Variants in NLK observed in about 807,000 individuals in gnomAD.
The protein encoded by NLK is nemo like kinase.
In NLK, 11 loss-of-function variants were observed where a neutral mutation model predicts 59.0. That is an observed-to-expected ratio of 0.19 (90% CI 0.12 to 0.31). The LOEUF is 0.31. Ranked by LOEUF, NLK falls within the 10% of genes least tolerant of loss-of-function variation. The probability of loss-of-function intolerance (pLI) is 1.00; values close to 1 mark genes in which losing one functional copy is unlikely to be tolerated. For synonymous variants in NLK, 235 were observed against 235.9 expected (o/e 1.00, Z 0.03); for missense variants, 410 against 661.1 (o/e 0.62, Z 4.16).
At chr17:28,184,009 G>A (rs1051207325) in intron 7 of NLK, among the ~76,000 whole-genome samples, 2 of 152,166 alleles carry the variant, frequency 1.3e-5, no homozygotes, top group Non-Finnish European at 2.9e-5. Context: ...GTCCCCTGAC[G>A]CTTCTAGCAG....
intron 3 of NLK, among the ~76,000 whole-genome samples, chr17:28,134,234 C>T (rs746844256): frequency 6.6e-5 from 10 of 151,942 alleles, no homozygotes; most frequent in South Asian, 2.1e-4. Flanking sequence ...CTCGTCTCTA[C>T]CAAAAATACA....
chr17:28,119,766 A>G (rs763193461), intron 1 of NLK, among the ~76,000 whole-genome samples: 1 of 152,244 alleles, frequency 6.6e-6, no homozygotes, highest in African/African-American at 2.4e-5. Context: ...AGCCTGGCAG[A>G]CACCTCATTC....
intron 1 of NLK, among the ~76,000 whole-genome samples, chr17:28,083,801 G>A (rs768144746): frequency 3.3e-5 from 5 of 152,200 alleles, no homozygotes; most frequent in East Asian, 3.9e-4. Flanking sequence ...TGGGATTTTC[G>A]TAGTCCCAGC....
intron 1 of NLK, among the ~76,000 whole-genome samples, chr17:28,044,882 A>G (rs1183229465): frequency 1.3e-5 from 2 of 152,222 alleles, no homozygotes; most frequent in African/African-American, 4.8e-5. Context: ...ATACAATGCT[A>G]AAAACTAGGG....
the NLK span, among the ~76,000 whole-genome samples, chr17:28,202,863 T>C: frequency 6.6e-6 from 1 of 151,730 alleles, no homozygotes; most frequent in Non-Finnish European, 1.5e-5. Flanking sequence ...TTTGTATTTT[T>C]AGTAGAGATG....
At chr17:28,189,870 C>A (rs1257194362) in intron 8 of NLK, among the ~76,000 whole-genome samples, 2 of 152,142 alleles carry the variant, frequency 1.3e-5, no homozygotes, top group African/African-American at 2.4e-5. Flanking sequence ...ATCAAGTATA[C>A]GTTTGCCTGT....
chr17:28,107,744 A>T (rs554755988), intron 1 of NLK, among the ~76,000 whole-genome samples: 6 of 152,320 alleles, frequency 3.9e-5, no homozygotes, highest in Admixed American at 2.0e-4. Flanking sequence ...TTACTGGGAA[A>T]AATAGTAAAA....
intron 1 of NLK, among the ~76,000 whole-genome samples, chr17:28,099,085 G>A (rs965201462): frequency 4.6e-5 from 7 of 151,940 alleles, no homozygotes; most frequent in Non-Finnish European, 8.8e-5. Context: ...TTTTTTAAGG[G>A]TTTCGATAAT....
the NLK span, among the ~76,000 whole-genome samples, chr17:28,203,630 G>A: frequency 6.6e-6 from 1 of 152,218 alleles, no homozygotes; most frequent in East Asian, 1.9e-4. Context: ...TCCGCCTCCT[G>A]GGTTCAAGTG....
At chr17:28,058,646 C>A (rs762888720) in intron 1 of NLK, among the ~76,000 whole-genome samples, 11 of 152,144 alleles carry the variant, frequency 7.2e-5, no homozygotes, top group Non-Finnish European at 1.5e-4. Context: ...AGCTACTCAG[C>A]CTACTTAGGA....
At chr17:28,077,683 G>A (rs969767562) in intron 1 of NLK, among the ~76,000 whole-genome samples, 1 of 152,158 alleles carries the variant, frequency 6.6e-6, no homozygotes, top group Non-Finnish European at 1.5e-5. Context: ...GTTTGATGCC[G>A]AGAATGCCAT....
intron 1 of NLK, among the ~76,000 whole-genome samples, chr17:28,046,141 C>T (rs1909044567): frequency 6.6e-6 from 1 of 152,172 alleles, no homozygotes; most frequent in African/African-American, 2.4e-5. Context: ...GTTGTTTCTC[C>T]ATGTAGACAA....
intron 3 of NLK, among the ~76,000 whole-genome samples, chr17:28,154,205 A>G (rs1460896089): frequency 6.6e-6 from 1 of 152,192 alleles, no homozygotes; most frequent in Non-Finnish European, 1.5e-5. Context: ...AGTCTCAGGA[A>G]TTGGAGGCAT....
intron 3 of NLK, among the ~76,000 whole-genome samples, chr17:28,159,461 T>A (rs1907916709): frequency 6.6e-6 from 1 of 152,150 alleles, no homozygotes; most frequent in Non-Finnish European, 1.5e-5. Context: ...CTCTGCGTAA[T>A]TTTCTGTGTT....
intron 1 of NLK, among the ~76,000 whole-genome samples, chr17:28,101,735 C>T (rs148767173): frequency 2.0e-5 from 3 of 152,212 alleles, no homozygotes; most frequent in East Asian, 1.9e-4. Flanking sequence ...TCAGTCAGGA[C>T]GTTTTGAGTT....
chr17:28,080,865 T>G (rs553502698), intron 1 of NLK, among the ~76,000 whole-genome samples: 1 of 152,254 alleles, frequency 6.6e-6, no homozygotes, highest in African/African-American at 2.4e-5. Flanking sequence ...CTTAGTTCCT[T>G]GAAGTAATCA....
chr17:28,142,800 G>A (rs892755553), intron 3 of NLK, among the ~76,000 whole-genome samples: 1 of 152,032 alleles, frequency 6.6e-6, no homozygotes, highest in African/African-American at 2.4e-5. Flanking sequence ...GACAGGAATG[G>A]CAGGATTTCA....
At chr17:28,205,881 T>C in the NLK span, among the ~76,000 whole-genome samples, 1 of 152,240 alleles carries the variant, frequency 6.6e-6, no homozygotes, top group East Asian at 1.9e-4. Context: ...CAGTTAGTAA[T>C]GTTGTATTGC....
At chr17:28,121,916 G>A (rs920086366) in intron 1 of NLK, among the ~76,000 whole-genome samples, 1 of 151,982 alleles carries the variant, frequency 6.6e-6, no homozygotes. Flanking sequence ...TTATATAGGT[G>A]TTGGAAGGCA....
Sources: gnomAD v4.1 joint callset for allele counts (sites outside exome capture counted in the v4.1 genomes callset) on GRCh38, gnomAD v4.1.1 for gene constraint, MANE v1.5 for transcripts, NCBI Gene and HGNC (gene_info 2026-07-23, HGNC 2026-07-21) for gene names.